Variants in TSPAN5 observed in about 807,000 individuals in gnomAD.
The protein encoded by TSPAN5 is tetraspanin-5.
Under a neutral mutation model 37.1 loss-of-function variants are expected in TSPAN5, and 10 were observed. That is an observed-to-expected ratio of 0.27 (90% CI 0.17 to 0.46). The LOEUF (loss-of-function observed/expected upper bound fraction) is 0.46, where lower values mean the gene tolerates loss of function less well. TSPAN5 is among the 20% of genes least tolerant of loss of function. The pLI is 1.00. For synonymous variants in TSPAN5, 110 were observed against 118.9 expected, an observed-to-expected ratio of 0.93 and a Z score of 0.48; for missense variants, 195 against 326.6, an observed-to-expected ratio of 0.60 and a Z score of 3.11.
intron 1 of TSPAN5, among the ~76,000 whole-genome samples, chr4:98,649,796 G>A (rs1254951067): frequency 2.0e-5 from 3 of 152,208 alleles, no homozygotes; most frequent in African/African-American, 7.2e-5. Context: ...AGAGCCTGCT[G>A]CTCTTCGGAT....
At chr4:98,635,211 A>T (rs1756828519) in intron 1 of TSPAN5, among the ~76,000 whole-genome samples, 1 of 152,206 alleles carries the variant, frequency 6.6e-6, no homozygotes, top group African/African-American at 2.4e-5. Flanking sequence ...CATTCAAAAC[A>T]ATTTATGGAA....
intron 1 of TSPAN5, among the ~76,000 whole-genome samples, chr4:98,523,641 G>C (rs1753901900): frequency 6.6e-6 from 1 of 152,112 alleles, no homozygotes; most frequent in South Asian, 2.1e-4. Context: ...TCGCCATGTT[G>C]GCCAGGCTGG....
At chr4:98,584,278 T>C (rs1755437910) in intron 1 of TSPAN5, among the ~76,000 whole-genome samples, 1 of 152,196 alleles carries the variant, frequency 6.6e-6, no homozygotes, top group Non-Finnish European at 1.5e-5. Context: ...CTTGAACTAA[T>C]GCCATCTTAT....
intron 1 of TSPAN5, among the ~76,000 whole-genome samples, chr4:98,628,683 C>G (rs919786989): frequency 1.3e-5 from 2 of 152,116 alleles, no homozygotes; most frequent in East Asian, 3.9e-4. Context: ...ATTGCATTCC[C>G]AGCACCCTTA....
rs1199062696 is a variant in TSPAN5 at position 98,471,850 on chromosome 4, C to T, written c.*672G>A. The T allele has an allele frequency of 1.3e-5, 2 of 152,234 alleles. No homozygotes were observed. Among genetic ancestry groups the T allele is most frequent in the African/African-American group, 2.4e-5 (1 of 41,442 alleles). The allele number at this position is 152,234 out of a possible 1,614,324, so 9.4% of individuals were successfully genotyped here. On this transcript the variant is annotated 3_prime_UTR_variant, in exon 8 of 8. Transcript: ENST00000305798. Reference sequence around the variant, plus strand: ...GATCAGTCCTGCTAAAATACAGCCTCATGACGTCTTCCAATGCCCTTGCTC... The same window carrying T: ...GATCAGTCCTGCTAAAATACAGCCTTATGACGTCTTCCAATGCCCTTGCTC...
intron 1 of TSPAN5, among the ~76,000 whole-genome samples, chr4:98,575,056 A>AGAGCCAGCC (rs1755203676): frequency 3.6e-5 from 2 of 56,320 alleles, no homozygotes; most frequent in Non-Finnish European, 8.4e-5. Flanking sequence ...CAGAGCCAGC[A>AGAGCCAGCC]CGCTGAGTGG....
intron 1 of TSPAN5, among the ~76,000 whole-genome samples, chr4:98,537,989 G>A (rs1175039551): frequency 6.6e-6 from 1 of 152,258 alleles, no homozygotes; most frequent in African/African-American, 2.4e-5. Context: ...GACCACCTAT[G>A]AGGGGCTCAG....
At chr4:98,633,685 C>T (rs1756794520) in intron 1 of TSPAN5, among the ~76,000 whole-genome samples, 1 of 152,166 alleles carries the variant, frequency 6.6e-6, no homozygotes, top group African/African-American at 2.4e-5. Flanking sequence ...TGAACCACTG[C>T]CCGCAAAGAC....
chr4:98,638,382 T>C (rs1198618065), intron 1 of TSPAN5, among the ~76,000 whole-genome samples: 1 of 152,200 alleles, frequency 6.6e-6, no homozygotes, highest in Non-Finnish European at 1.5e-5. Flanking sequence ...GGAGCTGAGA[T>C]GCTCTGAGGA....
At chr4:98,653,021 C>A (rs1187859587) in intron 1 of TSPAN5, among the ~76,000 whole-genome samples, 1 of 152,184 alleles carries the variant, frequency 6.6e-6, no homozygotes, top group Non-Finnish European at 1.5e-5. Flanking sequence ...CCACTTTATA[C>A]CTTTCTTACA....
intron 1 of TSPAN5, among the ~76,000 whole-genome samples, chr4:98,612,936 G>A (rs1756234073): frequency 1.3e-5 from 2 of 152,070 alleles, no homozygotes; most frequent in Non-Finnish European, 2.9e-5. Flanking sequence ...CTCTTACCCC[G>A]TGTTTTATTT....
At chr4:98,562,788 T>C (rs1754911164) in intron 1 of TSPAN5, among the ~76,000 whole-genome samples, 1 of 152,108 alleles carries the variant, frequency 6.6e-6, no homozygotes, top group South Asian at 2.1e-4. Flanking sequence ...TATAAGTATA[T>C]AAAAAGAGAG....
chr4:98,620,588 G>A (rs1467680164), intron 1 of TSPAN5, among the ~76,000 whole-genome samples: 2 of 152,198 alleles, frequency 1.3e-5, no homozygotes, highest in Non-Finnish European at 2.9e-5. Context: ...ATATAACAGA[G>A]GCTGCCTTGT....
chr4:98,645,492 TCTCA>T (rs1757045905), intron 1 of TSPAN5, among the ~76,000 whole-genome samples: 1 of 152,184 alleles, frequency 6.6e-6, no homozygotes, highest in Non-Finnish European at 1.5e-5. Flanking sequence ...CTTTGTCCCC[TCTCA>T]CTCCTACTGA....
chr4:98,515,968 G>A (rs1480956946), intron 1 of TSPAN5, among the ~76,000 whole-genome samples: 2 of 152,020 alleles, frequency 1.3e-5, no homozygotes, highest in Non-Finnish European at 2.9e-5. Flanking sequence ...CTCCATCAGG[G>A]CTTCTAGATG....
At chr4:98,589,342 G>A (rs1755570916) in intron 1 of TSPAN5, among the ~76,000 whole-genome samples, 1 of 152,184 alleles carries the variant, frequency 6.6e-6, no homozygotes, top group Admixed American at 6.5e-5. Flanking sequence ...TGGTCTGGAA[G>A]CATGACTGAG....
chr4:98,540,983 A>G (rs905802549), intron 1 of TSPAN5, among the ~76,000 whole-genome samples: 2 of 152,198 alleles, frequency 1.3e-5, no homozygotes, highest in African/African-American at 4.8e-5. Context: ...GGCATAAAGA[A>G]CACGGGCCTT....
At chr4:98,553,016 G>A (rs1754658406) in intron 1 of TSPAN5, among the ~76,000 whole-genome samples, 2 of 152,140 alleles carry the variant, frequency 1.3e-5, no homozygotes, top group African/African-American at 4.8e-5. Context: ...AATGATGACT[G>A]GCCCATTTAC....
chr4:98,478,702 A>G lies in TSPAN5; in HGVS notation c.559T>C (p.Cys187Arg), dbSNP rs1471440739. Residue 187 changes from cysteine (C) to arginine (R), a missense_variant, in exon 5 of 8, where the codon TGC (cysteine) becomes CGC (arginine). Cys to Arg is a radical substitution (Grantham distance 180). Transcript: ENST00000305798. The part of the protein sequence containing the change: ...RERCGVPFSC[C>R]TKDPAEDVIN... ...TCACTTACTGCGGGATCTTTAGTGC[A>G]GCAGGAGAATGGAACGCCACATCGC... 6.2e-7 allele frequency: 1 copy of G among 1,614,206 alleles called. No homozygotes were observed. The highest frequency in any genetic ancestry group is 8.5e-7 in the Non-Finnish European group (1 of 1,180,042).
Sources: gnomAD v4.1 joint callset for allele counts (sites outside exome capture counted in the v4.1 genomes callset) on GRCh38, gnomAD v4.1.1 for gene constraint, MANE v1.5 for transcripts, NCBI Gene and HGNC (gene_info 2026-07-23, HGNC 2026-07-21) for gene names.